The following ANKH variants were observed in gnomAD, a reference collection of about 807,000 sequenced individuals.
ANKH encodes the protein ANKH inorganic pyrophosphate transport regulator.
Under a neutral mutation model 49.0 loss-of-function variants are expected in ANKH, and 15 were observed. The ratio of observed to expected loss-of-function variants is 0.31; its 90% CI spans 0.20 to 0.47. The LOEUF (loss-of-function observed/expected upper bound fraction) is 0.47. Among genes scored for constraint, ANKH ranks in the 20% least tolerant of loss-of-function variants. The pLI is 1.00. For synonymous variants in ANKH, 273 were observed against 260.0 expected (o/e 1.05, Z -0.48); for missense variants, 429 against 652.0 (o/e 0.66, Z 3.72).
At chr5:14,757,411 AACAT>A (rs1381607150) in intron 3 of ANKH, among the ~76,000 whole-genome samples, 1 of 96,302 alleles carries the variant, frequency 1.0e-5, no homozygotes, top group African/African-American at 5.2e-5. Flanking sequence ...ACCTTATTGG[AACAT>A]ATATATATAT....
At chr5:14,798,338 G>A in intron 1 of ANKH, 1 of 1,566,550 alleles carries the variant, frequency 6.4e-7, no homozygotes, top group Non-Finnish European at 8.8e-7. Flanking sequence ...TCCATATTTT[G>A]TATTCCTTGT....
intron 2 of ANKH, among the ~76,000 whole-genome samples, chr5:14,761,162 G>C (rs1217403984): frequency 1.3e-5 from 2 of 152,166 alleles, no homozygotes; most frequent in East Asian, 3.9e-4. Flanking sequence ...CTAGGGGAGA[G>C]GCCTAGATGA....
intron 1 of ANKH, among the ~76,000 whole-genome samples, chr5:14,805,504 A>G (rs1159123619): frequency 6.8e-6 from 1 of 147,780 alleles, no homozygotes; most frequent in African/African-American, 2.5e-5. Flanking sequence ...ACACACACAC[A>G]CACGTATATA....
intron 1 of ANKH, among the ~76,000 whole-genome samples, chr5:14,773,353 CTTTTTTTTTTTTTTTT>C (rs71603741): frequency 2.6e-5 from 2 of 77,016 alleles, no homozygotes; most frequent in African/African-American, 1.0e-4. Context: ...GCAAAGCATT[CTTTTTTTTTTTTTTTT>C]TTTTTTTTTG....
chr5:14,741,631 C>G lies in ANKH; in HGVS notation c.1011+196G>C, dbSNP rs907990133. On this transcript the variant is annotated intron_variant, in intron 8 of 11. Coordinates refer to ENST00000284268, the MANE Select transcript of ANKH (RefSeq NM_054027.6). ...GTCCCAAGAAATGCCTGAAGTGGGT[C>G]CTTTATTCCTAGACTCAAGGGCCTC... 41 of 573,326 alleles carry G rather than the reference C, an allele frequency of 7.2e-5. No homozygotes were observed. The African/African-American group carries it at 7.3e-4, about 10-fold the overall frequency. The allele number at this position is 573,326 out of a possible 1,614,324, so 35.5% of individuals were successfully genotyped here. A position where few individuals can be genotyped will look rare whatever the true frequency, so the allele number is the denominator to read the frequency against.
Position 14,713,455 on chromosome 5 carries a change from A to T in ANKH, c.1265+89T>A. The T allele has an allele frequency of 1.3e-6, 2 of 1,548,490 alleles. No homozygotes were observed. The highest frequency in any genetic ancestry group is 1.8e-6 in the Non-Finnish European group (2 of 1,133,532). On this transcript the variant is annotated intron_variant, in intron 10 of 11. Coordinates refer to ENST00000284268, the MANE Select transcript of ANKH (RefSeq NM_054027.6). This position sits in a 1 kb window ranked among gnomAD's most constrained non-coding sequence, Gnocchi z 4.4. ...TTTCCGATTCTAGACGTGCCTGGGG[A>T]TTTCCCCTGAAAATGTAGCTGTTAA...
intron 1 of ANKH, among the ~76,000 whole-genome samples, chr5:14,865,564 C>T (rs1269486337): frequency 6.6e-6 from 1 of 152,172 alleles, no homozygotes; most frequent in Non-Finnish European, 1.5e-5. Context: ...GATCTTACAA[C>T]AGATCCCTGT....
intron 1 of ANKH, among the ~76,000 whole-genome samples, chr5:14,856,325 A>G (rs1735243921): frequency 6.6e-6 from 1 of 152,182 alleles, no homozygotes; most frequent in South Asian, 2.1e-4. Flanking sequence ...CAATACTATC[A>G]TACATACATG....
chr5:14,775,102 G>A (rs1739573237), intron 1 of ANKH, among the ~76,000 whole-genome samples: 2 of 151,620 alleles, frequency 1.3e-5, no homozygotes, highest in Non-Finnish European at 2.9e-5. Context: ...TGTCACCCAA[G>A]CTGTAGAACT....
chr5:14,742,461 C>A (rs1580023449), intron 7 of ANKH, among the ~76,000 whole-genome samples: 1 of 152,372 alleles, frequency 6.6e-6, no homozygotes, highest in East Asian at 1.9e-4. Flanking sequence ...CTTCCCCTGA[C>A]ACACCTGGTG....
intron 1 of ANKH, among the ~76,000 whole-genome samples, chr5:14,833,002 C>G (rs1367471568): frequency 6.6e-6 from 1 of 152,184 alleles, no homozygotes; most frequent in African/African-American, 2.4e-5. Flanking sequence ...TGAATGTTTT[C>G]AATTTCTTGA....
intron 1 of ANKH, among the ~76,000 whole-genome samples, chr5:14,771,948 C>T (rs55670675): frequency 7.9e-6 from 1 of 126,282 alleles, no homozygotes. Flanking sequence ...AAAAAAAAAA[C>T]CAAAACAAAA....
chr5:14,806,826 A>G (rs190567165), intron 1 of ANKH, among the ~76,000 whole-genome samples: 2 of 152,362 alleles, frequency 1.3e-5, no homozygotes, highest in African/African-American at 4.8e-5. Flanking sequence ...TGCAGTCACA[A>G]AGGAGAAACA....
intron 7 of ANKH, among the ~76,000 whole-genome samples, chr5:14,744,382 C>T (rs900908436): frequency 5.3e-5 from 8 of 152,188 alleles, no homozygotes; most frequent in Non-Finnish European, 7.3e-5. Context: ...CTGGGTCTAT[C>T]GCCCATTAGC....
intron 8 of ANKH, among the ~76,000 whole-genome samples, chr5:14,738,533 C>G (rs1270004773): frequency 1.3e-5 from 2 of 152,182 alleles, no homozygotes; most frequent in Non-Finnish European, 2.9e-5. Flanking sequence ...ACTGTATACA[C>G]AGAATCATCT....
chr5:14,819,898 TATACACACACAC>T (rs1374555883), intron 1 of ANKH, among the ~76,000 whole-genome samples: 994 of 87,124 alleles, frequency 0.011, 15 homozygotes, highest in African/African-American at 0.045. Context: ...ACAACAAAAA[TATACACACACAC>T]ACACACACAC....
chr5:14,741,506 T>C (rs1407855226), intron 8 of ANKH: 10 of 288,740 alleles, frequency 3.5e-5, no homozygotes, highest in Admixed American at 1.0e-4. Flanking sequence ...GGTTGTAAAG[T>C]TGACTTTCGA....
intron 1 of ANKH, among the ~76,000 whole-genome samples, chr5:14,850,182 C>A (rs1379589622): frequency 6.6e-6 from 1 of 152,152 alleles, no homozygotes; most frequent in East Asian, 1.9e-4. Context: ...TAACCCTGCC[C>A]CCCACCACTC....
chr5:14,824,008 C>T (rs1190715734), intron 1 of ANKH, among the ~76,000 whole-genome samples: 3 of 152,086 alleles, frequency 2.0e-5, no homozygotes, highest in Admixed American at 6.6e-5. Context: ...GACAGAAACC[C>T]ACTGTGGTAT....
Sources: gnomAD v4.1 joint callset for allele counts (sites outside exome capture counted in the v4.1 genomes callset) on GRCh38, gnomAD v4.1.1 for gene constraint, Gnocchi (gnomAD v3.1) non-coding constraint, MANE v1.5 for transcripts, NCBI Gene and HGNC (gene_info 2026-07-23, HGNC 2026-07-21) for gene names.